Variants in TJP2 observed in about 807,000 individuals in gnomAD.
The protein encoded by TJP2 is tight junction protein 2, also known as Friedreich ataxia region gene X104 (tight junction protein ZO-2).
TJP2 carries 91 observed loss-of-function variants against 133.1 expected under a neutral mutation model. That is an observed-to-expected ratio of 0.68 (90% CI 0.58 to 0.81). TJP2 has a LOEUF of 0.81. TJP2 is among the 40% of genes least tolerant of loss of function. The pLI, the probability that TJP2 is intolerant of heterozygous loss-of-function variation, is 0.00. For missense variants in TJP2, 1,541 were observed against 1,565.6 expected (o/e 0.98, Z 0.26); for synonymous variants, 592 against 583.4 (o/e 1.01, Z -0.21).
intron 1 of TJP2, among the ~76,000 whole-genome samples, chr9:69,207,165 T>G (rs1478139642): frequency 2.0e-5 from 3 of 152,226 alleles, no homozygotes. Context: ...AGATTAATTT[T>G]GTTGGCAATT....
At chr9:69,170,924 A>G (rs1023996622), upstream of TJP2, among the ~76,000 whole-genome samples, 5 of 152,038 alleles carry the variant, frequency 3.3e-5, no homozygotes, top group African/African-American at 4.8e-5. Flanking sequence ...AACTTTTATG[A>G]TACATTGATG....
intron 2 of TJP2, among the ~76,000 whole-genome samples, chr9:69,215,696 T>G (rs961185445): frequency 1.3e-5 from 2 of 151,842 alleles, no homozygotes; most frequent in African/African-American, 4.8e-5. Flanking sequence ...GAAGGTTTTT[T>G]TTTTTTTAAT....
In TJP2 at chr9:69,255,124, G is replaced by C. The variant is rs1831604125; in HGVS notation, c.*750G>C. 1 of 152,712 alleles carries C rather than the reference G, an allele frequency of 6.5e-6. No homozygotes were observed. Among genetic ancestry groups the C allele is most frequent in the African/African-American group, 2.4e-5 (1 of 41,496 alleles). The allele number at this position is 152,712 out of a possible 1,614,324, so 9.5% of individuals were successfully genotyped here. ...AAGTGCTGCACAAAAGCAGATACTTGAGGAAAACACTATTTCCAAAAGCAC... is the reference window on the plus strand; with the variant it reads ...AAGTGCTGCACAAAAGCAGATACTTCAGGAAAACACTATTTCCAAAAGCAC... On this transcript the variant is annotated 3_prime_UTR_variant, in exon 23 of 23. Transcript: ENST00000377245.
chr9:69,251,172 TAC>T lies in TJP2; in HGVS notation c.3130_3131del (p.Thr1044LeufsTer18). On this transcript the variant is annotated frameshift_variant, in exon 21 of 23. Transcript: ENST00000377245. LOFTEE classifies it high-confidence loss of function. ...GYPPPVAAKP[T>X]FGRSILKPST... ...ATCCTCCTCCTGTTGCAGCAAAACC[TAC>T]CTTTGGGCGGTCTATACTGAAGCCC... 6.2e-7 allele frequency: 1 copy of T among 1,614,186 alleles called. No individual in the cohort carries two copies. The highest frequency in any genetic ancestry group is 8.5e-7 in the Non-Finnish European group (1 of 1,180,038).
At chr9:69,248,338 G>A in intron 19 of TJP2, 114 bp downstream of exon 19, 7 of 1,463,096 alleles carry the variant, frequency 4.8e-6, no homozygotes, top group Non-Finnish European at 6.3e-6. Context: ...GGTTGGAGCA[G>A]ATGACTTCCA....
intron 11 of TJP2, among the ~76,000 whole-genome samples, chr9:69,232,617 T>C (rs1281491139): frequency 6.6e-6 from 1 of 152,218 alleles, no homozygotes; most frequent in Non-Finnish European, 1.5e-5. Flanking sequence ...TTTGCAAAGG[T>C]GACAGCCTAA....
chr9:69,223,802 A>C (rs989549114), intron 5 of TJP2, among the ~76,000 whole-genome samples: 7 of 152,250 alleles, frequency 4.6e-5, no homozygotes, highest in Non-Finnish European at 8.8e-5. Context: ...GGACTAGGGC[A>C]TGGGCCACAA....
chr9:69,178,535 G>C (rs1011510514), intron 1 of TJP2, among the ~76,000 whole-genome samples: 1 of 152,146 alleles, frequency 6.6e-6, no homozygotes, highest in African/African-American at 2.4e-5. Context: ...TAGAGAGCCT[G>C]GTATACCTTG....
intron 2 of TJP2, among the ~76,000 whole-genome samples, chr9:69,156,934 G>C (rs943688464): frequency 6.6e-6 from 1 of 152,170 alleles, no homozygotes; most frequent in African/African-American, 2.4e-5. Flanking sequence ...GGGGCTGCCA[G>C]GTCATAAGTA....
intron 1 of TJP2, among the ~76,000 whole-genome samples, chr9:69,139,879 C>G (rs1330893599): frequency 6.6e-6 from 1 of 152,130 alleles, no homozygotes; most frequent in African/African-American, 2.4e-5. Flanking sequence ...CCACAGAGTC[C>G]CCTGGGGCCT....
upstream of TJP2, among the ~76,000 whole-genome samples, chr9:69,170,590 T>C (rs1413946803): frequency 6.6e-6 from 1 of 152,218 alleles, no homozygotes; most frequent in African/African-American, 2.4e-5. Context: ...GTCGTATCTT[T>C]CCATTGAAAA....
intron 1 of TJP2, among the ~76,000 whole-genome samples, chr9:69,198,318 T>G (rs887129194): frequency 6.6e-6 from 1 of 152,100 alleles, no homozygotes; most frequent in African/African-American, 2.4e-5. Context: ...ATTTTTTTAT[T>G]TTCAGTAGAG....
chr9:69,164,658 G>T (rs1451555749), intron 2 of TJP2, among the ~76,000 whole-genome samples: 1 of 152,054 alleles, frequency 6.6e-6, no homozygotes, highest in Non-Finnish European at 1.5e-5. Context: ...TAGTTGCTGC[G>T]AGAGCAAAAA....
chr9:69,157,170 T>G (rs1329385956), intron 2 of TJP2, among the ~76,000 whole-genome samples: 2 of 152,170 alleles, frequency 1.3e-5, no homozygotes, highest in Non-Finnish European at 2.9e-5. Flanking sequence ...CAAATTTTAT[T>G]TTTGGTTTAT....
In TJP2 at chr9:69,199,136, C is replaced by T. The variant is rs185174478; in HGVS notation, c.61-13412C>T. Among the ~76,000 whole-genome samples, 217 of 151,822 alleles carry T rather than the reference C, an allele frequency of 1.4e-3. 1 individual carries two copies. Among genetic ancestry groups the T allele is most frequent in the Admixed American group, 2.3e-3 (35 of 15,248 alleles). On this transcript the variant is annotated intron_variant, in intron 1 of 22. Coordinates refer to ENST00000377245, the MANE Select transcript of TJP2 (RefSeq NM_004817.4). ...GGAACTATAAAAGTCCTCTTTTCAT[C>T]TGGAGGTAGGTTTACCTACCAGCCT...
In TJP2 at chr9:69,237,130, C is replaced by T. The variant is rs748671901; in HGVS notation, c.2173C>T (p.Arg725Ter). 1.1e-5 allele frequency: 18 copies of T among 1,613,876 alleles called. No homozygotes were observed. Among genetic ancestry groups the T allele is most frequent in the Admixed American group, 1.7e-5 (1 of 59,982 alleles). The change falls in exon 14 of 23, where the codon CGA (arginine) becomes TGA (stop). Residue 725 changes from arginine to a stop codon, truncating the protein, a stop_gained. Coordinates refer to ENST00000377245, the MANE Select transcript of TJP2 (RefSeq NM_004817.4). LOFTEE classifies it high-confidence loss of function. ...CCCAGCTTATGAGAGGGTTTTGCTG[C>T]GAGAAGGTGAGGAAGTCACATGGGG... The part of the protein sequence containing the change: ...KFPAYERVLL[R>*]EAGFKRPVVL...
At chr9:69,129,696 GGAGGCC>G (rs1417882365) in intron 1 of TJP2, among the ~76,000 whole-genome samples, 1 of 152,062 alleles carries the variant, frequency 6.6e-6, no homozygotes, top group Non-Finnish European at 1.5e-5. Context: ...TAGCACTTTG[GGAGGCC>G]GAGGCGTGCG....
intron 2 of TJP2, among the ~76,000 whole-genome samples, chr9:69,214,642 G>A (rs7871549): frequency 1.3e-5 from 2 of 152,008 alleles, no homozygotes; most frequent in Admixed American, 6.6e-5. Context: ...GCAGAGACAG[G>A]TGGATCACAA....
At chr9:69,155,914 A>T (rs190805888) in intron 2 of TJP2, among the ~76,000 whole-genome samples, 1 of 152,348 alleles carries the variant, frequency 6.6e-6, no homozygotes, top group Admixed American at 6.5e-5. Context: ...GGCTATGTGC[A>T]CTTATGGGGG....
Sources: gnomAD v4.1 joint callset for allele counts (sites outside exome capture counted in the v4.1 genomes callset) on GRCh38, gnomAD v4.1.1 for gene constraint, MANE v1.5 for transcripts, NCBI Gene and HGNC (gene_info 2026-07-23, HGNC 2026-07-21) for gene names.